Variants in SORCS1 observed in about 807,000 individuals in gnomAD.
The protein encoded by SORCS1 is VPS10 domain-containing receptor SorCS1.
A neutral mutation model predicts 146.1 loss-of-function variants in SORCS1; 60 were observed. That is an observed-to-expected ratio of 0.41 (90% confidence interval 0.33 to 0.51). The LOEUF is 0.51. Among genes scored for constraint, SORCS1 ranks in the 20% least tolerant of loss-of-function variants. The pLI, the probability that SORCS1 is intolerant of heterozygous loss-of-function variation, is 0.21. For synonymous variants in SORCS1, 637 were observed against 584.0 expected (o/e 1.09, Z -1.31); for missense variants, 1,352 against 1,487.6 (o/e 0.91, Z 1.50).
intron 1 of SORCS1, among the ~76,000 whole-genome samples, chr10:107,003,844 C>T (rs1957319781): frequency 6.6e-6 from 1 of 152,092 alleles, no homozygotes; most frequent in African/African-American, 2.4e-5. Context: ...AACAGAAACT[C>T]ATGATTCAAA....
intron 3 of SORCS1, among the ~76,000 whole-genome samples, chr10:106,826,364 T>A (rs1257391601): frequency 6.6e-6 from 1 of 152,242 alleles, no homozygotes; most frequent in Non-Finnish European, 1.5e-5. Flanking sequence ...TTAATACAAC[T>A]TTTTAAAGGA....
intron 1 of SORCS1, among the ~76,000 whole-genome samples, chr10:107,115,958 A>G (rs549267022): frequency 3.9e-5 from 6 of 152,256 alleles, no homozygotes; most frequent in African/African-American, 1.4e-4. Context: ...AGACATTTTT[A>G]TTCAAAGGAA....
chr10:106,819,184 G>T (rs1228490173), intron 3 of SORCS1, among the ~76,000 whole-genome samples: 2 of 152,130 alleles, frequency 1.3e-5, no homozygotes, highest in Non-Finnish European at 2.9e-5. Flanking sequence ...TTCTTTGCTG[G>T]TTTTGACTCT....
rs184284180 is a variant in SORCS1, at chr10:106,779,931, C to A, written c.727-3239G>T. Among the ~76,000 whole-genome samples the A allele has an allele frequency of 2.9e-4, 44 of 152,072 alleles. No homozygotes were observed. The East Asian group carries it at 8.1e-3, about 28-fold the overall frequency. ...TGTAATGACTGAAACATAGTATGTA[C>A]CTAATTGTTAATTGAATAAGTAAAA... is the stretch of plus-strand genomic sequence containing the variant. On this transcript the variant is annotated intron_variant, in intron 3 of 25. Transcript: ENST00000263054.
At chr10:107,031,496 A>T (rs186683780) in intron 1 of SORCS1, among the ~76,000 whole-genome samples, 129 of 152,286 alleles carry the variant, frequency 8.5e-4, no homozygotes, top group African/African-American at 2.9e-3. Flanking sequence ...TTCCATTCTT[A>T]TTGAAAAAGA....
In SORCS1 at chr10:106,675,057, G is replaced by T; in HGVS notation, c.1932C>A (p.Leu644=). 1 of 1,612,256 alleles carries T rather than the reference G, an allele frequency of 6.2e-7. No individual in the cohort carries two copies. The highest frequency in any genetic ancestry group is 8.5e-7 in the Non-Finnish European group (1 of 1,178,542). The change falls in exon 14 of 26, where the codon CTC becomes CTA. Residue 644 remains leucine, a synonymous_variant. Transcript: ENST00000263054. ...GVLGEPGEET[L]IMTVFGHFSH... is the part of the protein sequence containing the mutation. ...CATACTTTTCAACTTACGTCATGAT[G>T]AGAGTCTCTTCTCCAGGCTCACCCA...
intron 5 of SORCS1, among the ~76,000 whole-genome samples, chr10:106,748,298 T>A (rs1857896041): frequency 6.6e-6 from 1 of 152,202 alleles, no homozygotes; most frequent in Non-Finnish European, 1.5e-5. Flanking sequence ...TATTTCAAAC[T>A]TTTTCATGAT....
intron 19 of SORCS1, among the ~76,000 whole-genome samples, chr10:106,624,272 TGCCTGCC>T (rs1405273574): frequency 2.6e-5 from 4 of 151,688 alleles, no homozygotes; most frequent in Admixed American, 6.6e-5. Context: ...GGAAGAGGGA[TGCCTGCC>T]ATGTTTGAGA....
chr10:106,956,178 T>C (rs1158852998), intron 2 of SORCS1, among the ~76,000 whole-genome samples: 1 of 151,074 alleles, frequency 6.6e-6, no homozygotes, highest in African/African-American at 2.4e-5. Context: ...TCTGCAGACC[T>C]AGAGGCTGTG....
intron 1 of SORCS1, among the ~76,000 whole-genome samples, chr10:106,970,555 T>C (rs1955733318): frequency 6.6e-5 from 10 of 152,062 alleles, no homozygotes; most frequent in Admixed American, 6.5e-4. Context: ...TTGGCCAGGC[T>C]GGTCTTGGAC....
chr10:107,139,034 C>T (rs1397720517), intron 1 of SORCS1, among the ~76,000 whole-genome samples: 1 of 152,182 alleles, frequency 6.6e-6, no homozygotes, highest in Admixed American at 6.5e-5. Context: ...TCCATCTCCC[C>T]TGGCAAAGTT....
intron 2 of SORCS1, among the ~76,000 whole-genome samples, chr10:106,844,195 T>C (rs776876462): frequency 1.8e-4 from 28 of 152,240 alleles, no homozygotes; most frequent in Non-Finnish European, 3.8e-4. Flanking sequence ...TTTGGAAAAA[T>C]GCCTATTCGT....
chr10:106,654,589 T>A (rs772583247), intron 17 of SORCS1, among the ~76,000 whole-genome samples: 1 of 152,244 alleles, frequency 6.6e-6, no homozygotes, highest in Non-Finnish European at 1.5e-5. Flanking sequence ...AGGAGGTCCA[T>A]ACCAGTAACT....
chr10:107,095,998 AT>A (rs1301906732), intron 1 of SORCS1, among the ~76,000 whole-genome samples: 1 of 152,054 alleles, frequency 6.6e-6, no homozygotes, highest in Non-Finnish European at 1.5e-5. Flanking sequence ...CTTATCCAGG[AT>A]TTTTCCTCTT....
chr10:106,762,957 C>T (rs776784660), intron 4 of SORCS1, among the ~76,000 whole-genome samples: 4 of 152,064 alleles, frequency 2.6e-5, no homozygotes, highest in Non-Finnish European at 4.4e-5. Context: ...GCACCCAACC[C>T]GAGAGTATCC....
chr10:106,706,774 T>C (rs1318191757), intron 7 of SORCS1, 140 bp from the exon 8 acceptor site: 2 of 730,368 alleles, frequency 2.7e-6, no homozygotes, highest in South Asian at 1.8e-5. Flanking sequence ...TGTAAAGAAT[T>C]GGCCTTCAGT....
intron 8 of SORCS1, among the ~76,000 whole-genome samples, chr10:106,702,309 C>T (rs941898333): frequency 3.3e-5 from 5 of 152,188 alleles, no homozygotes; most frequent in African/African-American, 1.2e-4. Flanking sequence ...GCAGCATCAT[C>T]CCTGAAGCCA....
At chr10:106,999,667 T>C (rs80117622) in intron 1 of SORCS1, among the ~76,000 whole-genome samples, 4,426 of 152,266 alleles carry the variant, frequency 0.029, 183 homozygotes, top group African/African-American at 0.095. Context: ...TGGCAAACAA[T>C]AATTTAGCTT....
intron 21 of SORCS1, among the ~76,000 whole-genome samples, chr10:106,615,518 CT>C (rs957497789): frequency 3.3e-5 from 5 of 152,288 alleles, no homozygotes; most frequent in South Asian, 2.1e-4. Flanking sequence ...GTCATTAAAA[CT>C]GTCTGATCAT....
Sources: allele counts gnomAD v4.1 joint callset (sites outside exome capture counted in the v4.1 genomes callset), GRCh38; gene constraint gnomAD v4.1.1; transcripts MANE v1.5; gene names NCBI Gene and HGNC (gene_info 2026-07-23, HGNC 2026-07-21).